Variants in DIAPH3 observed in about 807,000 individuals in gnomAD.
DIAPH3 encodes diaphanous related formin 3, also known as protein diaphanous homolog 3.
A neutral mutation model predicts 144.3 loss-of-function variants in DIAPH3; 117 were observed. The ratio of observed to expected loss-of-function variants is 0.81; its 90% CI spans 0.70 to 0.95. DIAPH3 has a LOEUF of 0.95. Ranked by LOEUF, DIAPH3 falls within the 40% of genes least tolerant of loss-of-function variation. The pLI is 0.00. For missense variants in DIAPH3, 1,421 were observed against 1,412.7 expected (o/e 1.01, Z -0.09); for synonymous variants, 519 against 488.9 (o/e 1.06, Z -0.81).
intron 3 of DIAPH3, among the ~76,000 whole-genome samples, chr13:60,108,328 G>T (rs1455903361): frequency 6.6e-6 from 1 of 152,140 alleles, no homozygotes; most frequent in African/African-American, 2.4e-5. Context: ...TATGTATAAG[G>T]CCAGGCACGG....
chr13:60,065,678 A>G (rs1006870552), intron 4 of DIAPH3, among the ~76,000 whole-genome samples: 1 of 152,186 alleles, frequency 6.6e-6, no homozygotes, highest in Non-Finnish European at 1.5e-5. Flanking sequence ...CCATTTCTGG[A>G]GTTGATCTTT....
intron 24 of DIAPH3, among the ~76,000 whole-genome samples, chr13:59,829,889 A>G (rs966572146): frequency 6.6e-6 from 1 of 151,832 alleles, no homozygotes; most frequent in Non-Finnish European, 1.5e-5. Flanking sequence ...AGTGGTTCCA[A>G]CCCCTGATAT....
At chr13:59,901,214 G>A (rs563342209) in intron 20 of DIAPH3, among the ~76,000 whole-genome samples, 8 of 152,222 alleles carry the variant, frequency 5.3e-5, no homozygotes, top group South Asian at 2.1e-4. Flanking sequence ...ACTCACTAAC[G>A]GCTTTCTTAA....
At position 59,785,291 on chromosome 13, in the gene DIAPH3, T is replaced by C. The variant is rs148330490; in HGVS notation, c.3164-10468A>G. 3.3e-4 allele frequency among the ~76,000 whole-genome samples: 51 copies of C among 152,336 alleles called. No individual in the cohort carries two copies. The East Asian group carries it at 3.7e-3, about 11-fold the overall frequency. ...CATGATTTGTACAAATTTCATTAAA[T>C]ATATTTCTGTTACAAGTTAGGAGAA... On this transcript the variant is annotated intron_variant, in intron 25 of 27. Transcript: ENST00000400324.
At chr13:59,850,785 A>G (rs1204704170) in intron 22 of DIAPH3, among the ~76,000 whole-genome samples, 2 of 150,038 alleles carry the variant, frequency 1.3e-5, no homozygotes, top group African/African-American at 4.9e-5. Flanking sequence ...GAAGAAATGG[A>G]TACATTCCTC....
intron 3 of DIAPH3, among the ~76,000 whole-genome samples, chr13:60,101,562 T>C (rs1032437394): frequency 6.6e-6 from 1 of 151,878 alleles, no homozygotes; most frequent in African/African-American, 2.4e-5. Context: ...AAAGTGTTAG[T>C]GTATTTTAGT....
Position 59,992,584 on chromosome 13 carries a change from C to T in DIAPH3, c.1015-1G>A, listed in dbSNP as rs1423309608. ...CATTGATGAGCTGCATACAAGCTAC[C>T]TACAAGAGATCAAACAGTGAGACAG... On this transcript the variant is annotated splice_acceptor_variant, in intron 9 of 27. Coordinates refer to ENST00000400324, the MANE Select transcript of DIAPH3 (RefSeq NM_001042517.2). LOFTEE classifies it high-confidence loss of function. 6.2e-7 allele frequency: 1 copy of T among 1,609,432 alleles called. No homozygotes were observed. Among genetic ancestry groups the T allele is most frequent in the Non-Finnish European group, 8.5e-7 (1 of 1,177,098 alleles).
intron 20 of DIAPH3, among the ~76,000 whole-genome samples, chr13:59,895,593 A>G (rs1328823275): frequency 1.3e-5 from 2 of 152,182 alleles, no homozygotes. Flanking sequence ...ACTATAATTA[A>G]CCAAATACAT....
intron 13 of DIAPH3, 53 bp downstream of exon 13, chr13:59,983,716 A>C: frequency 7.9e-7 from 1 of 1,261,930 alleles, no homozygotes; most frequent in Admixed American, 1.7e-5. Flanking sequence ...CCTAGAGCTC[A>C]TTCATAGAAT....
chr13:60,101,871 A>T (rs1355437733), intron 3 of DIAPH3, among the ~76,000 whole-genome samples: 1 of 151,906 alleles, frequency 6.6e-6, no homozygotes, highest in Non-Finnish European at 1.5e-5. Flanking sequence ...TGACCCTTCC[A>T]TTTTCTTCCA....
At chr13:59,813,879 T>C (rs1856350238) in intron 24 of DIAPH3, among the ~76,000 whole-genome samples, 3 of 149,498 alleles carry the variant, frequency 2.0e-5, no homozygotes, top group Admixed American at 2.0e-4. Context: ...AAAAAAAAAT[T>C]CAACATAAGA....
intron 27 of DIAPH3, among the ~76,000 whole-genome samples, chr13:59,673,706 G>A (rs2032496864): frequency 6.6e-6 from 1 of 152,158 alleles, no homozygotes; most frequent in African/African-American, 2.4e-5. Context: ...GGGAGCTTGA[G>A]CTCAATCATG....
Position 59,879,432 on chromosome 13 carries a change from C to T in DIAPH3, c.2404G>A (p.Ala802Thr). 2.5e-6 allele frequency: 4 copies of T among 1,613,742 alleles called. No individual in the cohort carries two copies. The highest frequency in any genetic ancestry group is 3.4e-6 in the Non-Finnish European group (4 of 1,179,792). ...NVKRLRPRLSAILFKLQFEEQ... is the reference protein window; with the variant it reads ...NVKRLRPRLSTILFKLQFEEQ... The stretch of plus-strand genomic sequence containing the variant: ...TCAAACTGAAGCTTAAAGAGAATAG[C>T]ACTGAGCCGTGGCCGTAGTCTCTTC... Residue 802 changes from alanine to threonine, a missense_variant, in exon 21 of 28, where the codon GCT becomes ACT. Ala to Thr is a moderately conservative substitution (Grantham distance 58). Coordinates refer to ENST00000400324, the MANE Select transcript of DIAPH3 (RefSeq NM_001042517.2).
chr13:59,939,732 G>T (rs1218834667), intron 17 of DIAPH3, among the ~76,000 whole-genome samples: 1 of 152,034 alleles, frequency 6.6e-6, no homozygotes, highest in African/African-American at 2.4e-5. Context: ...GTTTGTTGTG[G>T]ATCCCTGTAT....
chr13:60,052,677 T>C (rs1435880148), intron 4 of DIAPH3, among the ~76,000 whole-genome samples: 1 of 151,956 alleles, frequency 6.6e-6, no homozygotes, highest in Non-Finnish European at 1.5e-5. Flanking sequence ...AATGAAGTTA[T>C]AATAAAATGG....
chr13:60,067,293 A>T (rs971319941), intron 4 of DIAPH3, among the ~76,000 whole-genome samples: 30 of 152,264 alleles, frequency 2.0e-4, no homozygotes, highest in African/African-American at 5.8e-4. Flanking sequence ...TCAAAAAAAA[A>T]AAAGAAAGAA....
chr13:60,108,076 T>C (rs1203978566), intron 3 of DIAPH3, among the ~76,000 whole-genome samples: 1 of 152,226 alleles, frequency 6.6e-6, no homozygotes, highest in Non-Finnish European at 1.5e-5. Context: ...TATAGTATCC[T>C]AGAAATCTTA....
At chr13:59,785,801 G>A (rs538507874) in intron 25 of DIAPH3, among the ~76,000 whole-genome samples, 13 of 152,190 alleles carry the variant, frequency 8.5e-5, no homozygotes, top group African/African-American at 3.1e-4. Flanking sequence ...AGGCATATAT[G>A]TACATAAAGT....
At chr13:59,925,884 T>C (rs2047727167) in intron 17 of DIAPH3, among the ~76,000 whole-genome samples, 1 of 152,176 alleles carries the variant, frequency 6.6e-6, no homozygotes, top group African/African-American at 2.4e-5. Context: ...TCTCCTTTTT[T>C]GATTTTGATT....
Sources: allele counts gnomAD v4.1 joint callset (sites outside exome capture counted in the v4.1 genomes callset), GRCh38; gene constraint gnomAD v4.1.1; transcripts MANE v1.5; gene names NCBI Gene and HGNC (gene_info 2026-07-23, HGNC 2026-07-21).